TBC1D22A: variants seen among roughly 807,000 people sequenced by gnomAD.
The protein encoded by TBC1D22A is TBC1 domain family member 22A.
TBC1D22A carries 38 observed loss-of-function variants against 60.2 expected under a neutral mutation model. The observed-to-expected ratio is 0.63, with a 90% CI of 0.49 to 0.83. TBC1D22A has a LOEUF of 0.83. Among genes scored for constraint, TBC1D22A ranks in the 40% least tolerant of loss-of-function variants. The probability of loss-of-function intolerance (pLI) is 0.00; values close to 1 mark genes in which losing one functional copy is unlikely to be tolerated. For synonymous variants in TBC1D22A, 302 were observed against 281.7 expected (o/e 1.07, Z -0.72); for missense variants, 628 against 701.0 (o/e 0.90, Z 1.18).
chr22:46,782,995 G>C (rs1385098640), intron 1 of TBC1D22A, among the ~76,000 whole-genome samples: 1 of 152,146 alleles, frequency 6.6e-6, no homozygotes, highest in Non-Finnish European at 1.5e-5. Context: ...TGGGTCATGC[G>C]ATAACTCCAT....
At chr22:47,148,027 C>T (rs754132803) in intron 12 of TBC1D22A, among the ~76,000 whole-genome samples, 4 of 152,224 alleles carry the variant, frequency 2.6e-5, no homozygotes, top group Non-Finnish European at 5.9e-5. Flanking sequence ...AAGAGACTCT[C>T]ACAGGCCCTT....
intron 9 of TBC1D22A, among the ~76,000 whole-genome samples, chr22:46,994,302 A>C (rs1047195990): frequency 1.3e-5 from 2 of 152,224 alleles, no homozygotes; most frequent in African/African-American, 4.8e-5. Context: ...CCCAGGACCC[A>C]TCAGGCTCAC....
At chr22:46,933,187 C>T (rs900318468) in intron 8 of TBC1D22A, among the ~76,000 whole-genome samples, 3 of 152,182 alleles carry the variant, frequency 2.0e-5, no homozygotes, top group African/African-American at 4.8e-5. Flanking sequence ...TAGGATCCAT[C>T]AGCAGTTCTA....
At chr22:47,115,540 T>TGTGTCC (rs1293213490) in intron 12 of TBC1D22A, among the ~76,000 whole-genome samples, 1 of 152,154 alleles carries the variant, frequency 6.6e-6, no homozygotes, top group African/African-American at 2.4e-5. Flanking sequence ...TGGAAAGTTG[T>TGTGTCC]GTGTCCCGCG....
intron 12 of TBC1D22A, among the ~76,000 whole-genome samples, chr22:47,172,057 C>T (rs369941634): frequency 3.6e-5 from 4 of 110,682 alleles, no homozygotes; most frequent in Non-Finnish European, 7.8e-5. Flanking sequence ...CCCAGTGAGC[C>T]TACCCAGCAC....
intron 11 of TBC1D22A, among the ~76,000 whole-genome samples, chr22:47,101,022 G>A (rs2065394595): frequency 1.3e-5 from 2 of 152,156 alleles, no homozygotes; most frequent in Non-Finnish European, 2.9e-5. Flanking sequence ...AAACGTGCCC[G>A]ATTTGCATGG....
intron 8 of TBC1D22A, among the ~76,000 whole-genome samples, chr22:46,930,754 C>T (rs540790577): frequency 6.7e-4 from 102 of 152,164 alleles, no homozygotes; most frequent in African/African-American, 2.3e-3. Context: ...TGAGCCACCG[C>T]GCCCAGCCTT....
chr22:46,891,279 C>T lies in TBC1D22A; in HGVS notation c.722C>T (p.Ala241Val). 1 of 1,609,474 alleles carries T rather than the reference C, an allele frequency of 6.2e-7. No individual in the cohort carries two copies. Among genetic ancestry groups the T allele is most frequent in the Non-Finnish European group, 8.5e-7 (1 of 1,178,490 alleles). ...TWKLLSGYLP[A>V]NVDRRPATLQ... ...TTTCTCACCCAGGGTTACCTTCCCG[C>T]CAATGTAGACCGGAGACCAGCCACT... is the stretch of plus-strand genomic sequence containing the variant. The change falls in exon 6 of 13, where the codon GCC (alanine) becomes GTC (valine). Residue 241 changes from alanine (A) to valine (V), a missense_variant. Physicochemically the swap from Ala to Val is moderately conservative, Grantham distance 64. Transcript: ENST00000337137.
chr22:46,848,481 A>G (rs1432951000), intron 4 of TBC1D22A, among the ~76,000 whole-genome samples: 1 of 152,214 alleles, frequency 6.6e-6, no homozygotes, highest in Non-Finnish European at 1.5e-5. Context: ...CTCTGATTTC[A>G]GAGCAGCCTG....
chr22:46,868,910 G>T (rs2067177700), intron 4 of TBC1D22A, among the ~76,000 whole-genome samples: 1 of 148,840 alleles, frequency 6.7e-6, no homozygotes, highest in Admixed American at 6.7e-5. Flanking sequence ...GCGGGGTGAG[G>T]TGGGGGAGCT....
In TBC1D22A at chr22:46,976,588, C is replaced by T. The variant is rs537016895; in HGVS notation, c.1125+2189C>T. ...GCAGACCGGCGTGTCAGCTCCCGGA[C>T]GACCTGGCCGCTTCTGCCTCTTAGC... On this transcript the variant is annotated intron_variant, in intron 9 of 12. Transcript: ENST00000337137. Among the ~76,000 whole-genome samples, 307 of 152,346 alleles carry T rather than the reference C, an allele frequency of 2.0e-3. 2 individuals are homozygous for T. Among genetic ancestry groups the T allele is most frequent in the East Asian group, 7.7e-4 (4 of 5,192 alleles).
intron 10 of TBC1D22A, among the ~76,000 whole-genome samples, chr22:47,016,045 G>A (rs17222236): frequency 0.21 from 31,709 of 152,078 alleles, 3,506 homozygotes; most frequent in East Asian, 0.27. Context: ...GGAAGTAGGG[G>A]TTCCTGAAGA....
intron 8 of TBC1D22A, among the ~76,000 whole-genome samples, chr22:46,956,358 G>A (rs117126550): frequency 0.024 from 3,730 of 152,292 alleles, 71 homozygotes; most frequent in Middle Eastern, 0.037. Flanking sequence ...GGCTGAGGTG[G>A]GCACATCACT....
chr22:46,964,259 A>G (rs1356469735), intron 8 of TBC1D22A, among the ~76,000 whole-genome samples: 1 of 152,160 alleles, frequency 6.6e-6, no homozygotes, highest in Non-Finnish European at 1.5e-5. Flanking sequence ...TGATATAGGT[A>G]TCTGTCACTT....
intron 4 of TBC1D22A, among the ~76,000 whole-genome samples, chr22:46,821,748 G>A (rs1371085472): frequency 6.6e-6 from 1 of 152,138 alleles, no homozygotes; most frequent in African/African-American, 2.4e-5. Flanking sequence ...TCTTAATGGT[G>A]TTCTCTGTAT....
At chr22:46,792,955 T>G (rs769463759) in intron 2 of TBC1D22A, 100 of 690,632 alleles carry the variant, frequency 1.4e-4, no homozygotes, top group Non-Finnish European at 1.7e-4. Flanking sequence ...TCCTGGCCCC[T>G]CCACAGCAGG....
intron 11 of TBC1D22A, among the ~76,000 whole-genome samples, chr22:47,094,377 G>A (rs1034142681): frequency 2.0e-5 from 3 of 152,152 alleles, no homozygotes; most frequent in African/African-American, 7.2e-5. Context: ...CATAATGTGC[G>A]TGGGTCTCAT....
At chr22:47,020,546 A>C (rs1336892667) in intron 10 of TBC1D22A, among the ~76,000 whole-genome samples, 3 of 144,562 alleles carry the variant, frequency 2.1e-5, no homozygotes, top group African/African-American at 8.8e-5. Context: ...CTGTCTGTCA[A>C]CCAGAGCTTT....
At chr22:46,992,222 G>A (rs191414617) in intron 9 of TBC1D22A, among the ~76,000 whole-genome samples, 42 of 152,382 alleles carry the variant, frequency 2.8e-4, no homozygotes, top group African/African-American at 9.4e-4. Flanking sequence ...AAGTCCAGAG[G>A]AAGCGGTATA....
Sources: allele counts gnomAD v4.1 joint callset (sites outside exome capture counted in the v4.1 genomes callset), GRCh38; gene constraint gnomAD v4.1.1; transcripts MANE v1.5; gene names NCBI Gene and HGNC (gene_info 2026-07-23, HGNC 2026-07-21).